Variants in MAP2K5 observed in about 807,000 individuals in gnomAD.
The protein encoded by MAP2K5 is mitogen-activated protein kinase kinase 5, also known as dual specificity mitogen-activated protein kinase kinase 5.
Under a neutral mutation model 83.1 loss-of-function variants are expected in MAP2K5, and 49 were observed. The ratio of observed to expected loss-of-function variants is 0.59; its 90% CI spans 0.47 to 0.75. The LOEUF (loss-of-function observed/expected upper bound fraction) is 0.75, where lower values mean the gene tolerates loss of function less well. MAP2K5 is among the 30% of genes least tolerant of loss of function. The pLI, the probability that MAP2K5 is intolerant of heterozygous loss-of-function variation, is 0.00. For missense variants in MAP2K5, 457 were observed against 557.5 expected (o/e 0.82, Z 1.82); for synonymous variants, 202 against 191.8 (o/e 1.05, Z -0.44).
chr15:67,590,033 G>A (rs756068978), intron 6 of MAP2K5, among the ~76,000 whole-genome samples: 6 of 152,086 alleles, frequency 3.9e-5, no homozygotes, highest in Non-Finnish European at 8.8e-5. Context: ...AGGCAGCTGT[G>A]TATTTTTTCC....
At chr15:67,773,803 C>T (rs576394811) in intron 21 of MAP2K5, among the ~76,000 whole-genome samples, 15 of 152,096 alleles carry the variant, frequency 9.9e-5, no homozygotes, top group Non-Finnish European at 1.0e-4. Flanking sequence ...ATAAACTGGT[C>T]TCTTTTTTTG....
At chr15:67,554,744 T>C (rs892827451) in intron 2 of MAP2K5, among the ~76,000 whole-genome samples, 1 of 152,244 alleles carries the variant, frequency 6.6e-6, no homozygotes, top group Non-Finnish European at 1.5e-5. Context: ...ATTCCACTCT[T>C]TCTCTCTTCT....
At chr15:67,626,550 A>C (rs2086328907) in intron 8 of MAP2K5, among the ~76,000 whole-genome samples, 1 of 152,094 alleles carries the variant, frequency 6.6e-6, no homozygotes, top group African/African-American at 2.4e-5. Flanking sequence ...AACAAAAAAC[A>C]TAATATAGGG....
chr15:67,715,245 G>A (rs184526585), intron 16 of MAP2K5, among the ~76,000 whole-genome samples: 2 of 148,510 alleles, frequency 1.3e-5, no homozygotes, highest in African/African-American at 2.5e-5. Context: ...GAGGGGGGGG[G>A]TCTAAAATTG....
rs1057010315 is a variant in MAP2K5, at chr15:67,587,094, C to T, written c.431+181C>T. Among the ~76,000 whole-genome samples, 2 of 152,174 alleles carry T rather than the reference C, an allele frequency of 1.3e-5. No individual in the cohort carries two copies. Among genetic ancestry groups the T allele is most frequent in the Non-Finnish European group, 2.9e-5 (2 of 68,036 alleles). Reference sequence around the variant, plus strand: ...ATTTAGACTGGGTGCTGAGAAGGCTCTCTGGGGAGAGTGACGTTTCTGTTT... The same window carrying T: ...ATTTAGACTGGGTGCTGAGAAGGCTTTCTGGGGAGAGTGACGTTTCTGTTT... On this transcript the variant is annotated intron_variant, in intron 6 of 21. Transcript: ENST00000178640. This position sits in a 1 kb window ranked among gnomAD's most constrained non-coding sequence, Gnocchi z 4.8.
rs563481573 is a variant in MAP2K5, at chr15:67,556,040, C to T, written c.184+5958C>T. ...ACCTCAGGTGATCTGCCTGTCTCAGCCTCCCAAAATGCTAGGATTACAGGC... is the reference window on the plus strand; with the variant it reads ...ACCTCAGGTGATCTGCCTGTCTCAGTCTCCCAAAATGCTAGGATTACAGGC... On this transcript the variant is annotated intron_variant, in intron 2 of 21. Coordinates refer to ENST00000178640, the MANE Select transcript of MAP2K5 (RefSeq NM_145160.3). Among the ~76,000 whole-genome samples, 309 of 152,324 alleles carry T rather than the reference C, an allele frequency of 2.0e-3. 1 individual carries two copies. Among genetic ancestry groups the T allele is most frequent in the African/African-American group, 7.2e-3 (298 of 41,582 alleles).
chr15:67,707,019 G>A (rs747415063), intron 16 of MAP2K5, among the ~76,000 whole-genome samples: 12 of 152,180 alleles, frequency 7.9e-5, no homozygotes, highest in Non-Finnish European at 1.8e-4. Flanking sequence ...AGGTTCAAGT[G>A]ATTCTCCTGC....
In MAP2K5 at chr15:67,690,126, C is replaced by T. The variant is rs1013514397; in HGVS notation, c.848-2353C>T. Among the ~76,000 whole-genome samples, 2 of 151,978 alleles carry T rather than the reference C, an allele frequency of 1.3e-5. No individual in the cohort carries two copies. Among genetic ancestry groups the T allele is most frequent in the African/African-American group, 2.4e-5 (1 of 41,348 alleles). On this transcript the variant is annotated intron_variant, in intron 13 of 21. Coordinates refer to ENST00000178640, the MANE Select transcript of MAP2K5 (RefSeq NM_145160.3). This position sits in a 1 kb window ranked among gnomAD's most constrained non-coding sequence, Gnocchi z 4.3. ...CCAGGGAAGCCAAAAGATTGTACAC[C>T]CCTAGTTTAGGACATCAATATGTAA...
chr15:67,619,690 G>A (rs1430905156), intron 8 of MAP2K5, among the ~76,000 whole-genome samples: 1 of 152,238 alleles, frequency 6.6e-6, no homozygotes, highest in East Asian at 1.9e-4. Flanking sequence ...ACTTTGGGAG[G>A]CCAAGGCAGG....
intron 17 of MAP2K5, among the ~76,000 whole-genome samples, chr15:67,729,399 A>G (rs531718451): frequency 1.3e-5 from 2 of 152,326 alleles, no homozygotes; most frequent in African/African-American, 4.8e-5. Flanking sequence ...AAGGTTGAGA[A>G]TGTAGCAATA....
At chr15:67,566,822 T>C (rs1020592435) in intron 3 of MAP2K5, among the ~76,000 whole-genome samples, 1 of 152,250 alleles carries the variant, frequency 6.6e-6, no homozygotes, top group African/African-American at 2.4e-5. Flanking sequence ...TGAAAACTTA[T>C]CAATTATTTA....
At position 67,543,182 on chromosome 15, in the gene MAP2K5, AC is replaced by A; in HGVS notation, c.-150del. ...GGTGCCTGCGGGTGCGTTCCTGATC[AC>A]CCCTCCCCTCTTCCCTCCCCCTCAT... On this transcript the variant is annotated 5_prime_UTR_variant, in exon 1 of 22. Coordinates refer to ENST00000178640, the MANE Select transcript of MAP2K5 (RefSeq NM_145160.3). This position sits in a 1 kb window ranked among gnomAD's most constrained non-coding sequence, Gnocchi z 4.3. 2.8e-6 allele frequency: 2 copies of A among 714,936 alleles called. No individual in the cohort carries two copies. Among genetic ancestry groups the A allele is most frequent in the Non-Finnish European group, 4.7e-6 (2 of 426,098 alleles). The allele number at this position is 714,936 out of a possible 1,614,324, so 44.3% of individuals were successfully genotyped here. A position where few individuals can be genotyped will look rare whatever the true frequency, so the allele number is the denominator to read the frequency against.
chr15:67,753,670 TA>T lies in MAP2K5; in HGVS notation c.1134+5079del, dbSNP rs148037370. Among the ~76,000 whole-genome samples the T allele has an allele frequency of 3.0e-4, 45 of 147,626 alleles. 1 individual carries two copies. In the Middle Eastern group the frequency reaches 0.014, roughly 46 times the overall value. ...TCATGCCCACTAGGATGGCTGTAATTAAAAAAAAAAGAAAAGAAAAACAGAA... is the reference window on the plus strand; with the variant it reads ...TCATGCCCACTAGGATGGCTGTAATTAAAAAAAAAGAAAAGAAAAACAGAA... On this transcript the variant is annotated intron_variant, in intron 19 of 21. Coordinates refer to ENST00000178640, the MANE Select transcript of MAP2K5 (RefSeq NM_145160.3).
chr15:67,543,509 G>T lies in MAP2K5; in HGVS notation c.135+39G>T. 1.2e-6 allele frequency: 2 copies of T among 1,612,602 alleles called. No individual in the cohort carries two copies. The highest frequency in any genetic ancestry group is 1.7e-6 in the Non-Finnish European group (2 of 1,179,128). On this transcript the variant is annotated intron_variant, in intron 1 of 21. Transcript: ENST00000178640. This position sits in a 1 kb window ranked among gnomAD's most constrained non-coding sequence, Gnocchi z 4.3. ...TCAGTGTCCGGATGCCAGCAAGGGG[G>T]ACTCAGGGACTTGAGTAGTCAGCAC...
intron 8 of MAP2K5, among the ~76,000 whole-genome samples, chr15:67,606,282 A>T (rs1269057514): frequency 6.6e-6 from 1 of 152,198 alleles, no homozygotes; most frequent in Non-Finnish European, 1.5e-5. Flanking sequence ...GCCAAGACTC[A>T]TATTTTCAGC....
At chr15:67,739,808 C>T (rs1566948337) in intron 17 of MAP2K5, among the ~76,000 whole-genome samples, 1 of 151,982 alleles carries the variant, frequency 6.6e-6, no homozygotes, top group Non-Finnish European at 1.5e-5. Flanking sequence ...CCTCCTTATC[C>T]CATATGAACC....
In MAP2K5 at chr15:67,806,944, A is replaced by C. The variant is rs1201429027; in HGVS notation, c.*194A>C. On this transcript the variant is annotated 3_prime_UTR_variant, in exon 22 of 22. Transcript: ENST00000178640. Reference sequence around the variant, plus strand: ...TGGCCCACCCCACCAGGCCATCCCCATACCTTCTGGTTTGAAGGCGCTGAC... The same window carrying C: ...TGGCCCACCCCACCAGGCCATCCCCCTACCTTCTGGTTTGAAGGCGCTGAC... 1 of 1,570,394 alleles carries C rather than the reference A, an allele frequency of 6.4e-7. No individual in the cohort carries two copies. The highest frequency in any genetic ancestry group is 8.6e-7 in the Non-Finnish European group (1 of 1,166,296).
chr15:67,714,843 A>G (rs953605093), intron 16 of MAP2K5, among the ~76,000 whole-genome samples: 3 of 152,338 alleles, frequency 2.0e-5, no homozygotes, highest in African/African-American at 2.4e-5. Flanking sequence ...GCTGGTAAGT[A>G]TAATGCAAAC....
intron 3 of MAP2K5, among the ~76,000 whole-genome samples, chr15:67,575,934 T>TC (rs2085053909): frequency 1.4e-5 from 2 of 145,444 alleles, no homozygotes; most frequent in African/African-American, 2.5e-5. Context: ...TTTTTTTTTT[T>TC]TTTAAGATGG....
Sources: gnomAD v4.1 joint callset for allele counts (sites outside exome capture counted in the v4.1 genomes callset) on GRCh38, gnomAD v4.1.1 for gene constraint, Gnocchi (gnomAD v3.1) non-coding constraint, MANE v1.5 for transcripts, NCBI Gene and HGNC (gene_info 2026-07-23, HGNC 2026-07-21) for gene names.